The following ZBTB40 variants were observed in gnomAD, a reference collection of about 807,000 sequenced individuals.
ZBTB40 encodes the protein zinc finger and BTB domain containing 40, also known as zinc finger and BTB domain-containing protein 40.
ZBTB40 carries 60 observed loss-of-function variants against 117.5 expected under a neutral mutation model. The ratio of observed to expected loss-of-function variants is 0.51; its 90% CI spans 0.41 to 0.63. The LOEUF (loss-of-function observed/expected upper bound fraction) is 0.63. Among genes scored for constraint, ZBTB40 ranks in the 30% least tolerant of loss-of-function variants. ZBTB40 has a pLI of 0.00. For missense variants in ZBTB40, 1,287 were observed against 1,498.5 expected (o/e 0.86, Z 2.33); for synonymous variants, 525 against 577.1 (o/e 0.91, Z 1.29).
intron 6 of ZBTB40, 57 bp from the exon 7 acceptor site, chr1:22,507,944 T>G (rs1639117589): frequency 6.2e-7 from 1 of 1,613,072 alleles, no homozygotes; most frequent in Non-Finnish European, 8.5e-7. Flanking sequence ...TATCCTGGAG[T>G]CTTCTGTAGG....
At position 22,503,113 on chromosome 1, in the gene ZBTB40, C is replaced by CTTT. The variant is rs11449962; in HGVS notation, c.1167+681_1167+683dup. Among the ~76,000 whole-genome samples, 165 of 147,010 alleles carry CTTT rather than the reference C, an allele frequency of 1.1e-3. 2 individuals are homozygous for CTTT. Among genetic ancestry groups the CTTT allele is most frequent in the African/African-American group, 3.9e-3 (155 of 40,078 alleles). ...TTCTTTATCATTGAGCATTAGTATCCTTTTTTTTTTTGCTATTAAAAGTGA... is the reference window on the plus strand; with the variant it reads ...TTCTTTATCATTGAGCATTAGTATCCTTTTTTTTTTTTTTGCTATTAAAAGTGA... On this transcript the variant is annotated intron_variant, in intron 5 of 17. Coordinates refer to ENST00000375647, the MANE Select transcript of ZBTB40 (RefSeq NM_014870.4).
At chr1:22,476,978 G>T (rs1452637781) in intron 1 of ZBTB40, among the ~76,000 whole-genome samples, 2 of 152,200 alleles carry the variant, frequency 1.3e-5, no homozygotes, top group East Asian at 1.9e-4. Context: ...GCTATATTCT[G>T]TCTCCTCCAT....
intron 1 of ZBTB40, among the ~76,000 whole-genome samples, chr1:22,455,047 G>A (rs1640973644): frequency 6.6e-6 from 1 of 152,148 alleles, no homozygotes; most frequent in Non-Finnish European, 1.5e-5. Context: ...TGCTTGGAGA[G>A]GAACTTTTCC....
chr1:22,466,003 C>G (rs1422282873), intron 1 of ZBTB40, among the ~76,000 whole-genome samples: 1 of 152,200 alleles, frequency 6.6e-6, no homozygotes, highest in Non-Finnish European at 1.5e-5. Flanking sequence ...CTGAAACCCC[C>G]CCTGTACCTG....
intron 1 of ZBTB40, among the ~76,000 whole-genome samples, chr1:22,472,001 G>T (rs1641419167): frequency 6.6e-6 from 1 of 152,164 alleles, no homozygotes; most frequent in Admixed American, 6.5e-5. Flanking sequence ...CCAGGGGCTG[G>T]CTGGGAACTG....
rs1639159335 is a variant in ZBTB40, at chr1:22,509,117, G to A, written c.1717G>A (p.Ala573Thr). 6.2e-7 allele frequency: 1 copy of A among 1,613,948 alleles called. No homozygotes were observed. The highest frequency in any genetic ancestry group is 1.3e-5 in the African/African-American group (1 of 74,894). ...TTTTTCAGTGACCACCCCAGAACAT[G>A]CCACTTTAGAAACAATCCTGAGGCA... The part of the protein sequence containing the change: ...FFRAVTTPEH[A>T]TLETILRHNQ... Residue 573 changes from alanine to threonine, a missense_variant, in exon 9 of 18, where the codon GCC becomes ACC. Physicochemically the swap from Ala to Thr is moderately conservative, Grantham distance 58 (BLOSUM62 0). Coordinates refer to ENST00000375647, the MANE Select transcript of ZBTB40 (RefSeq NM_014870.4).
intron 1 of ZBTB40, among the ~76,000 whole-genome samples, chr1:22,478,448 C>T (rs1229173507): frequency 1.3e-5 from 2 of 151,998 alleles, no homozygotes; most frequent in African/African-American, 2.4e-5. Flanking sequence ...GGGGTTTCAC[C>T]GTGTTAGCCA....
intron 1 of ZBTB40, among the ~76,000 whole-genome samples, chr1:22,433,648 A>C (rs1640631506): frequency 7.1e-6 from 1 of 141,590 alleles, no homozygotes; most frequent in Non-Finnish European, 1.5e-5. Context: ...TAGTTCTAGG[A>C]CTACCCCTGT....
chr1:22,530,111 AGT>A lies in ZBTB40; in HGVS notation c.*3717_*3718del, dbSNP rs1452256956. 1.3e-5 allele frequency: 2 copies of A among 152,200 alleles called. No homozygotes were observed. The highest frequency in any genetic ancestry group is 2.4e-5 in the African/African-American group (1 of 41,378). The allele number at this position is 152,200 out of a possible 1,614,324, so 9.4% of individuals were successfully genotyped here. A position where few individuals can be genotyped will look rare whatever the true frequency, so the allele number is the denominator to read the frequency against. ...GGAGGGAAGTGCTAACCATGTATAG[AGT>A]GGGCAGGCGGTTCCAGGGAGACAAG... On this transcript the variant is annotated 3_prime_UTR_variant, in exon 18 of 18. Coordinates refer to ENST00000375647, the MANE Select transcript of ZBTB40 (RefSeq NM_014870.4).
At chr1:22,466,972 G>A (rs1232444520) in intron 1 of ZBTB40, among the ~76,000 whole-genome samples, 1 of 151,984 alleles carries the variant, frequency 6.6e-6, no homozygotes, top group East Asian at 1.9e-4. Flanking sequence ...GTCATATAGA[G>A]AGCCTAATTT....
At chr1:22,456,413 C>T (rs968633551) in intron 1 of ZBTB40, among the ~76,000 whole-genome samples, 2 of 152,166 alleles carry the variant, frequency 1.3e-5, no homozygotes, top group Non-Finnish European at 2.9e-5. Flanking sequence ...CCATGTAAGT[C>T]AGAGATTGTT....
At chr1:22,430,276 C>T (rs1640562355) in intron 1 of ZBTB40, among the ~76,000 whole-genome samples, 1 of 152,092 alleles carries the variant, frequency 6.6e-6, no homozygotes, top group Non-Finnish European at 1.5e-5. Flanking sequence ...TTGTCTCATA[C>T]TGTCCTTATC....
At chr1:22,477,468 G>C (rs978127938) in intron 1 of ZBTB40, among the ~76,000 whole-genome samples, 2 of 152,086 alleles carry the variant, frequency 1.3e-5, no homozygotes, top group African/African-American at 4.8e-5. Context: ...GGCCAACGTG[G>C]TGAAACCCCG....
Position 22,489,877 on chromosome 1 carries a change from T to C in ZBTB40, c.-69-3T>C, listed in dbSNP as rs1256021397. On this transcript the variant is annotated splice_region_variant and splice_polypyrimidine_tract_variant and intron_variant, in intron 1 of 17. Transcript: ENST00000375647. Reference sequence around the variant, plus strand: ...TAACCTGGTATTTTGTGGGTTTCTCTAGGGCCTGTCCTCCCAAAGCCAACT... The same window carrying C: ...TAACCTGGTATTTTGTGGGTTTCTCCAGGGCCTGTCCTCCCAAAGCCAACT... 4.1e-6 allele frequency: 6 copies of C among 1,478,752 alleles called. No homozygotes were observed. Among genetic ancestry groups the C allele is most frequent in the Non-Finnish European group, 5.6e-6 (6 of 1,070,180 alleles). The allele number at this position is 1,478,752 out of a possible 1,614,324, so 91.6% of individuals were successfully genotyped here.
chr1:22,511,345 T>C lies in ZBTB40; in HGVS notation c.2000T>C (p.Ile667Thr). 6.2e-7 allele frequency: 1 copy of C among 1,613,926 alleles called. No individual in the cohort carries two copies. Among genetic ancestry groups the C allele is most frequent in the Non-Finnish European group, 8.5e-7 (1 of 1,180,024 alleles). ...LQPVMQELAYIGVLTKEDGEK... is the reference protein window; with the variant it reads ...LQPVMQELAYTGVLTKEDGEK... ...CCTGTCATGCAGGAGTTGGCATACA[T>C]TGGTAAGGAACGGGCCAGGTGGGAA... Residue 667 changes from isoleucine to threonine, a missense_variant and splice_region_variant, in exon 10 of 18, where the codon ATT (isoleucine) becomes ACT (threonine). Ile to Thr is a moderately conservative substitution (Grantham distance 89). Transcript: ENST00000375647.
At chr1:22,450,422 CTAAA>C (rs1420064661), upstream of ZBTB40, among the ~76,000 whole-genome samples, 1 of 152,166 alleles carries the variant, frequency 6.6e-6, no homozygotes, top group East Asian at 1.9e-4. Context: ...ACAAAAGTGA[CTAAA>C]TAACAGCTAC....
intron 1 of ZBTB40, among the ~76,000 whole-genome samples, chr1:22,480,429 T>G (rs1348252118): frequency 6.6e-6 from 1 of 152,212 alleles, no homozygotes; most frequent in African/African-American, 2.4e-5. Context: ...GCTATTAGCT[T>G]TTATAGATTT....
intron 1 of ZBTB40, among the ~76,000 whole-genome samples, chr1:22,459,419 T>G (rs1641081452): frequency 6.6e-6 from 1 of 152,244 alleles, no homozygotes. Context: ...TTTATCTTTA[T>G]CCCAATGGCC....
intron 1 of ZBTB40, among the ~76,000 whole-genome samples, chr1:22,480,888 T>C (rs1396713757): frequency 6.6e-6 from 1 of 152,208 alleles, no homozygotes; most frequent in Non-Finnish European, 1.5e-5. Flanking sequence ...TTTTTGAGAC[T>C]GCATATCAAG....
Sources: gnomAD v4.1 joint callset for allele counts (sites outside exome capture counted in the v4.1 genomes callset) on GRCh38, gnomAD v4.1.1 for gene constraint, MANE v1.5 for transcripts, NCBI Gene and HGNC (gene_info 2026-07-23, HGNC 2026-07-21) for gene names.